NUP107: variants seen among roughly 807,000 people sequenced by gnomAD.
NUP107 encodes the protein nuclear pore complex protein Nup107.
Under a neutral mutation model 141.0 loss-of-function variants are expected in NUP107, and 101 were observed. The ratio of observed to expected loss-of-function variants is 0.72; its 90% CI spans 0.61 to 0.84. The LOEUF (loss-of-function observed/expected upper bound fraction) is 0.84, where lower values mean the gene tolerates loss of function less well. Among genes scored for constraint, NUP107 ranks in the 40% least tolerant of loss-of-function variants. The probability of loss-of-function intolerance (pLI) is 0.00; values close to 1 mark genes in which losing one functional copy is unlikely to be tolerated. For missense variants in NUP107, 941 were observed against 1,102.7 expected (o/e 0.85, Z 2.08); for synonymous variants, 319 against 363.9 (o/e 0.88, Z 1.41).
Position 68,721,989 on chromosome 12 carries a change from G to C in NUP107, c.1457+3G>C, listed in dbSNP as rs1165965731. The stretch of plus-strand genomic sequence containing the variant: ...CCTAGAGAATATCTGGGAGCAAAGT[G>C]AGTTTGTTGGATTGTTTTGAGTCAT... On this transcript the variant is annotated splice_donor_region_variant and intron_variant, in intron 16 of 27. Transcript: ENST00000229179. 6.2e-7 allele frequency: 1 copy of C among 1,613,404 alleles called. No homozygotes were observed. Among genetic ancestry groups the C allele is most frequent in the African/African-American group, 1.3e-5 (1 of 75,034 alleles).
chr12:68,732,550 G>C (rs566398907), intron 22 of NUP107, 87 bp from the exon 23 acceptor site: 16 of 654,306 alleles, frequency 2.4e-5, no homozygotes, highest in East Asian at 1.5e-4. Context: ...GGAAGTACAG[G>C]TGTAAGTTAA....
chr12:68,713,815 G>T lies in NUP107; in HGVS notation c.969+7G>T, dbSNP rs1482225579. 1.3e-6 allele frequency: 2 copies of T among 1,588,734 alleles called. No individual in the cohort carries two copies. The highest frequency in any genetic ancestry group is 1.7e-6 in the Non-Finnish European group (2 of 1,170,888). On this transcript the variant is annotated splice_region_variant and intron_variant, in intron 11 of 27. Coordinates refer to ENST00000229179, the MANE Select transcript of NUP107 (RefSeq NM_020401.4). ...TCCGCTTGTCACTGAATTGGTAAATGTTCTTTGAAATGAAAGTTGCCTTCA... is the reference window on the plus strand; with the variant it reads ...TCCGCTTGTCACTGAATTGGTAAATTTTCTTTGAAATGAAAGTTGCCTTCA...
At chr12:68,709,161 ATCTT>A (rs1291610570) in intron 8 of NUP107, 73 bp from the exon 9 acceptor site, 6 of 998,300 alleles carry the variant, frequency 6.0e-6, no homozygotes, top group Non-Finnish European at 9.1e-6. Flanking sequence ...CTGGCTTTTT[ATCTT>A]TCTATTAAAA....
In NUP107 at chr12:68,745,782, T is replaced by C. The variant is rs1325222885; in HGVS notation, c.*3320T>C. The C allele has an allele frequency of 6.6e-6, 1 of 152,284 alleles. No individual in the cohort carries two copies. Among genetic ancestry groups the C allele is most frequent in the Non-Finnish European group, 1.5e-5 (1 of 68,068 alleles). 9.4% of individuals were successfully genotyped at this position (152,284 alleles called of 1,614,324 possible). ...GTTGGAAAGTAAATTTTGAATGTCT[T>C]TTTCCAAAAATAAAAAATAAAAACA... On this transcript the variant is annotated 3_prime_UTR_variant, in exon 28 of 28. Transcript: ENST00000229179.
intron 2 of NUP107, 117 bp downstream of exon 2, chr12:68,689,170 CT>C (rs1453067584): frequency 1.1e-5 from 7 of 654,610 alleles, no homozygotes. Context: ...CCTGTAGAAA[CT>C]TTTTTTCACT....
chr12:68,741,730 G>A (rs1372896492), intron 26 of NUP107, 83 bp from the exon 27 acceptor site: 12 of 1,245,806 alleles, frequency 9.6e-6, no homozygotes, highest in East Asian at 7.0e-5. Flanking sequence ...TTACATTCTG[G>A]GTTTGATTCA....
intron 26 of NUP107, among the ~76,000 whole-genome samples, chr12:68,737,346 C>T (rs765249604): frequency 2.0e-5 from 3 of 151,938 alleles, no homozygotes; most frequent in Non-Finnish European, 4.4e-5. Flanking sequence ...GGGTGGATCA[C>T]CTGAGGTCAG....
At chr12:68,728,662 A>C (rs1877677486) in intron 20 of NUP107, among the ~76,000 whole-genome samples, 2 of 150,024 alleles carry the variant, frequency 1.3e-5, no homozygotes, top group South Asian at 4.2e-4. Context: ...CACCCCCCTC[A>C]GTCTCCCAAA....
chr12:68,719,513 C>G (rs1184762333), intron 13 of NUP107, 65 bp from the exon 14 acceptor site: 2 of 1,558,896 alleles, frequency 1.3e-6, no homozygotes, highest in East Asian at 2.2e-5. Flanking sequence ...TATAGCTTCT[C>G]TTTTTAGAAA....
At chr12:68,712,725 G>A (rs567617167) in intron 10 of NUP107, among the ~76,000 whole-genome samples, 1 of 151,172 alleles carries the variant, frequency 6.6e-6, no homozygotes, top group East Asian at 1.9e-4. Context: ...CTGATCAGCG[G>A]AACAGAACAG....
chr12:68,729,462 A>C (rs1342336722), intron 20 of NUP107, among the ~76,000 whole-genome samples: 1 of 148,094 alleles, frequency 6.8e-6, no homozygotes, highest in Non-Finnish European at 1.5e-5. Flanking sequence ...TTTGAGATGG[A>C]GTCTCACTTT....
At chr12:68,719,318 AC>A in intron 12 of NUP107, 22 bp from the exon 13 acceptor site, 1 of 1,589,686 alleles carries the variant, frequency 6.3e-7, no homozygotes, top group Non-Finnish European at 8.6e-7. Flanking sequence ...TATTGGACTG[AC>A]TGCTCTTTCT....
chr12:68,725,768 A>G lies in NUP107; in HGVS notation c.1548A>G (p.Gln516=), dbSNP rs752560149. 2.0e-6 allele frequency: 3 copies of G among 1,536,380 alleles called. No individual in the cohort carries two copies. The highest frequency in any genetic ancestry group is 4.0e-5 in the Admixed American group (2 of 50,604). Residue 516 remains glutamine, a synonymous_variant, in exon 18 of 28, where the codon CAA becomes CAG. Coordinates refer to ENST00000229179, the MANE Select transcript of NUP107 (RefSeq NM_020401.4). ...ATCAAGAACATTATCATATAGTTCA[A>G]AAGTTTCTTATCCTGGGAGACATTG... ...EENQEHYHIV[Q]KFLILGDIDG... is the part of the protein sequence containing the mutation.
At position 68,710,033 on chromosome 12, in the gene NUP107, C is replaced by G; in HGVS notation, c.830C>G (p.Ala277Gly). ...GTGGTAGATTGGTTAGAGAGTATTGCCAAAGATGAAATTGGAGAATTTTCT... is the reference window on the plus strand; with the variant it reads ...GTGGTAGATTGGTTAGAGAGTATTGGCAAAGATGAAATTGGAGAATTTTCT... ...QLVVDWLESIAKDEIGEFSDN... is the reference protein window; with the variant it reads ...QLVVDWLESIGKDEIGEFSDN... The change falls in exon 10 of 28, where the codon GCC becomes GGC. Residue 277 changes from alanine to glycine, a missense_variant. Coordinates refer to ENST00000229179, the MANE Select transcript of NUP107 (RefSeq NM_020401.4). The G allele has an allele frequency of 6.3e-7, 1 of 1,598,268 alleles. No individual in the cohort carries two copies. The highest frequency in any genetic ancestry group is 8.6e-7 in the Non-Finnish European group (1 of 1,167,896).
At chr12:68,720,834 A>C (rs937385092) in intron 14 of NUP107, among the ~76,000 whole-genome samples, 4 of 152,152 alleles carry the variant, frequency 2.6e-5, no homozygotes, top group African/African-American at 7.2e-5. Context: ...ATCTGGAATA[A>C]AATTTGATTT....
chr12:68,688,478 C>T (rs913876438), intron 1 of NUP107, among the ~76,000 whole-genome samples: 1 of 152,158 alleles, frequency 6.6e-6, no homozygotes, highest in Admixed American at 6.5e-5. Context: ...TTCTATCTCA[C>T]AAGCTCTGTT....
intron 8 of NUP107, among the ~76,000 whole-genome samples, chr12:68,705,463 C>T (rs1592500609): frequency 1.3e-5 from 2 of 150,346 alleles, no homozygotes. Context: ...TAAGTATAGT[C>T]AGCCGAAATT....
At chr12:68,740,460 A>T (rs558498124) in intron 26 of NUP107, among the ~76,000 whole-genome samples, 2 of 152,338 alleles carry the variant, frequency 1.3e-5, no homozygotes, top group Admixed American at 6.5e-5. Context: ...CAAAATATTG[A>T]TAGTAATTTT....
Position 68,727,334 on chromosome 12 carries a change from CT to C in NUP107, c.1696-10del. 8.0e-6 allele frequency: 11 copies of C among 1,378,522 alleles called. No individual in the cohort carries two copies. Among genetic ancestry groups the C allele is most frequent in the Non-Finnish European group, 1.0e-5 (10 of 985,186 alleles). The allele number at this position is 1,378,522 out of a possible 1,614,324, so 85.4% of individuals were successfully genotyped here. A position where few individuals can be genotyped will look rare whatever the true frequency, so the allele number is the denominator to read the frequency against. On this transcript the variant is annotated splice_polypyrimidine_tract_variant and intron_variant, in intron 19 of 27. Coordinates refer to ENST00000229179, the MANE Select transcript of NUP107 (RefSeq NM_020401.4). Reference sequence around the variant, plus strand: ...ATAAGCAGTGTATTTATAATTATGTCTTTTTTTCCTATGAAGGAGGAAGTTT... The same window carrying C: ...ATAAGCAGTGTATTTATAATTATGTCTTTTTTCCTATGAAGGAGGAAGTTT...
Sources: allele counts gnomAD v4.1 joint callset (sites outside exome capture counted in the v4.1 genomes callset), GRCh38; gene constraint gnomAD v4.1.1; transcripts MANE v1.5; gene names NCBI Gene and HGNC (gene_info 2026-07-23, HGNC 2026-07-21).